The following TEKT3 variants were observed in gnomAD, a reference collection of about 807,000 sequenced individuals.
TEKT3 encodes tektin 3, also known as tektin-3.
A neutral mutation model predicts 49.8 loss-of-function variants in TEKT3; 49 were observed. That is an observed-to-expected ratio of 0.98 (90% confidence interval 0.78 to 1.25). The LOEUF is 1.25. TEKT3 is among the 50% of genes most tolerant of loss of function. The probability of loss-of-function intolerance (pLI) is 0.00; values close to 1 mark genes in which losing one functional copy is unlikely to be tolerated. For synonymous variants in TEKT3, 225 were observed against 237.2 expected (o/e 0.95, Z 0.47); for missense variants, 595 against 629.5 (o/e 0.95, Z 0.59).
chr17:15,324,485 A>G (rs1481014722), intron 4 of TEKT3, among the ~76,000 whole-genome samples: 1 of 152,154 alleles, frequency 6.6e-6, no homozygotes, highest in African/African-American at 2.4e-5. Flanking sequence ...GATCCTATGG[A>G]TCATACAGGG....
At position 15,312,230 on chromosome 17, in the gene TEKT3, C is replaced by T. The variant is rs753454998; in HGVS notation, c.1101+29G>A. 2.1e-5 allele frequency: 33 copies of T among 1,608,708 alleles called. No individual in the cohort carries two copies. The South Asian group carries it at 3.3e-4, about 16-fold the overall frequency. ...GAGCACACCGCTCTGTCCAGGTCAG[C>T]TAAGGGGTACCACTGGCGGTTGATT... On this transcript the variant is annotated intron_variant, in intron 7 of 8. Transcript: ENST00000395930.
chr17:15,335,617 TG>T (rs2150754025), intron 2 of TEKT3, among the ~76,000 whole-genome samples: 1 of 152,316 alleles, frequency 6.6e-6, no homozygotes, highest in Admixed American at 6.5e-5. Context: ...CACTCCAATA[TG>T]TAACATCACA....
chr17:15,337,045 A>G (rs531721345), intron 2 of TEKT3, among the ~76,000 whole-genome samples: 2 of 151,412 alleles, frequency 1.3e-5, no homozygotes, highest in Non-Finnish European at 2.9e-5. Flanking sequence ...ACTTCTTACT[A>G]AATTATTTTT....
chr17:15,306,801 T>G (rs1036829990), intron 8 of TEKT3: 2 of 152,158 alleles, frequency 1.3e-5, no homozygotes, highest in Non-Finnish European at 2.9e-5. Context: ...TTACATAAAG[T>G]CAAAACTGGT....
upstream of TEKT3, among the ~76,000 whole-genome samples, chr17:15,342,032 G>A (rs75870998): frequency 1.9e-3 from 295 of 152,274 alleles, 1 homozygote; most frequent in African/African-American, 6.6e-3. Flanking sequence ...CTCCAGCAGA[G>A]CTTCTCCTGT....
Position 15,330,995 on chromosome 17 carries a change from A to G in TEKT3, c.579+12T>C, listed in dbSNP as rs1911702099. 1 of 1,591,444 alleles carries G rather than the reference A, an allele frequency of 6.3e-7. No homozygotes were observed. Among genetic ancestry groups the G allele is most frequent in the Non-Finnish European group, 8.5e-7 (1 of 1,169,596 alleles). ...TCATAAAAATTCAGTGTGTTCTATC[A>G]TAAGGTCTTACCTGAAGAGGGGCTT... On this transcript the variant is annotated intron_variant, in intron 3 of 8. Coordinates refer to ENST00000395930, the MANE Select transcript of TEKT3 (RefSeq NM_031898.3).
At chr17:15,314,939 G>T (rs1377235836) in intron 5 of TEKT3, among the ~76,000 whole-genome samples, 1 of 152,198 alleles carries the variant, frequency 6.6e-6, no homozygotes, top group Admixed American at 6.5e-5. Context: ...GCACTGCCAG[G>T]CAGACAGGGG....
intron 4 of TEKT3, among the ~76,000 whole-genome samples, chr17:15,326,438 G>A (rs1911493178): frequency 6.6e-6 from 1 of 152,200 alleles, no homozygotes; most frequent in Admixed American, 6.5e-5. Flanking sequence ...AGTCAAGGAA[G>A]AGTTCATAGC....
rs796315569 is a variant in TEKT3 at position 15,314,607 on chromosome 17, CTTCCTTTTCCTT to C, written c.735-389_735-378del. ...CTGTCCACATCTGTGCCTTCCATTCCTTCCTTTTCCTTTTCCTTTTCCTCTTCTATATCTCAG... is the reference window on the plus strand; with the variant it reads ...CTGTCCACATCTGTGCCTTCCATTCCTTCCTTTTCCTCTTCTATATCTCAG... On this transcript the variant is annotated intron_variant, in intron 5 of 8. Transcript: ENST00000395930. Among the ~76,000 whole-genome samples, 84 of 152,296 alleles carry C rather than the reference CTTCCTTTTCCTT, an allele frequency of 5.5e-4. 1 individual carries two copies. The highest frequency in any genetic ancestry group is 6.8e-3 in the Middle Eastern group (2 of 294).
intron 3 of TEKT3, among the ~76,000 whole-genome samples, chr17:15,329,744 C>T (rs143906769): frequency 2.2e-4 from 34 of 152,258 alleles, no homozygotes; most frequent in East Asian, 1.5e-3. Context: ...GAAACTCCTC[C>T]GCTCACCAGA....
intron 2 of TEKT3, among the ~76,000 whole-genome samples, chr17:15,332,002 A>G (rs1383334055): frequency 6.6e-6 from 1 of 152,062 alleles, no homozygotes; most frequent in East Asian, 1.9e-4. Flanking sequence ...AACAAGACGA[A>G]ATGTCGTCTC....
At chr17:15,340,484 T>G (rs888422842) in intron 1 of TEKT3, 1 of 151,780 alleles carries the variant, frequency 6.6e-6, no homozygotes. Context: ...GAGGCGGAGG[T>G]TCCGGTGAGC....
rs1911710742 is a variant in TEKT3, at chr17:15,331,134, T to C, written c.452A>G (p.Asn151Ser). Residue 151 changes from asparagine to serine, a missense_variant, in exon 3 of 9, where the codon AAT becomes AGT. Physicochemically the swap from Asn to Ser is conservative, Grantham distance 46. Transcript: ENST00000395930. Reference protein sequence around the residue: ...DTTQNLGERVNDIGFWKSEII... With the variant: ...DTTQNLGERVSDIGFWKSEII... ...TTCAGATTTCCAAAACCCTATGTCATTGACACGTTCTCCCAGATTTTGGGT... is the reference window on the plus strand; with the variant it reads ...TTCAGATTTCCAAAACCCTATGTCACTGACACGTTCTCCCAGATTTTGGGT... The C allele has an allele frequency of 6.2e-7, 1 of 1,614,238 alleles. No homozygotes were observed. The highest frequency in any genetic ancestry group is 8.5e-7 in the Non-Finnish European group (1 of 1,180,038).
At chr17:15,338,409 GAAGA>G (rs1912076769) in intron 2 of TEKT3, 3 of 152,186 alleles carry the variant, frequency 2.0e-5, no homozygotes, top group East Asian at 3.9e-4. Flanking sequence ...AACTTTTAAG[GAAGA>G]AATACCTCAG....
chr17:15,320,405 T>C (rs1014027), intron 4 of TEKT3, among the ~76,000 whole-genome samples: 56,774 of 151,950 alleles, frequency 0.37, 12,497 homozygotes, highest in African/African-American at 0.6. Flanking sequence ...TTAATCAATT[T>C]GCCTTTGGTT....
chr17:15,333,704 C>T (rs1405635923), intron 2 of TEKT3, among the ~76,000 whole-genome samples: 1 of 146,206 alleles, frequency 6.8e-6, no homozygotes, highest in Non-Finnish European at 1.5e-5. Flanking sequence ...GGTGATGGAC[C>T]ACTCCTACTT....
intron 4 of TEKT3, among the ~76,000 whole-genome samples, chr17:15,323,058 T>C (rs922635030): frequency 1.3e-5 from 2 of 152,166 alleles, no homozygotes; most frequent in Non-Finnish European, 2.9e-5. Context: ...GTGAGGAGTA[T>C]AGTTCTTATT....
upstream of TEKT3, among the ~76,000 whole-genome samples, chr17:15,343,076 A>G (rs1345728175): frequency 6.6e-6 from 1 of 152,236 alleles, no homozygotes; most frequent in Non-Finnish European, 1.5e-5. Flanking sequence ...AAAGACTGGC[A>G]ACTGTTCTAA....
At chr17:15,336,440 A>C (rs1300187000) in intron 2 of TEKT3, among the ~76,000 whole-genome samples, 2 of 152,198 alleles carry the variant, frequency 1.3e-5, no homozygotes, top group African/African-American at 4.8e-5. Context: ...TCAGCAGCAG[A>C]CCTGCAATAA....
Sources: gnomAD v4.1 joint callset for allele counts (sites outside exome capture counted in the v4.1 genomes callset) on GRCh38, gnomAD v4.1.1 for gene constraint, MANE v1.5 for transcripts, NCBI Gene and HGNC (gene_info 2026-07-23, HGNC 2026-07-21) for gene names.